Variants in SLIT2 observed in about 807,000 individuals in gnomAD.
SLIT2 encodes slit guidance ligand 2.
In SLIT2, 41 loss-of-function variants were observed where a neutral mutation model predicts 185.7. That is an observed-to-expected ratio of 0.22 (90% confidence interval 0.17 to 0.29). The LOEUF is 0.29. Ranked by LOEUF, SLIT2 falls within the 10% of genes least tolerant of loss-of-function variation. SLIT2 has a pLI of 1.00. For missense variants in SLIT2, 1,571 were observed against 1,909.0 expected (o/e 0.82, Z 3.30); for synonymous variants, 693 against 680.2 (o/e 1.02, Z -0.29).
Position 20,601,073 on chromosome 4 carries a change from G to T in SLIT2, c.3692+2678G>T, listed in dbSNP as rs139010390. ...TAAGCACTTACATTTTCATGTATTT[G>T]CACAAAGAAAAACTAGACACAAAGA... On this transcript the variant is annotated intron_variant, in intron 33 of 36. Coordinates refer to ENST00000504154, the MANE Select transcript of SLIT2 (RefSeq NM_004787.4). 3.8e-4 allele frequency among the ~76,000 whole-genome samples: 58 copies of T among 152,186 alleles called. No homozygotes were observed. The East Asian group carries it at 0.011, about 28-fold the overall frequency.
At chr4:20,573,112 G>A in intron 29 of SLIT2, 2 of 682,938 alleles carry the variant, frequency 2.9e-6, no homozygotes, top group Non-Finnish European at 2.7e-6. Context: ...TCCAAGCCTT[G>A]CTTCAGCTTG....
chr4:20,376,929 C>T (rs1017447671), intron 4 of SLIT2, among the ~76,000 whole-genome samples: 6 of 151,822 alleles, frequency 4.0e-5, no homozygotes, highest in Non-Finnish European at 8.8e-5. Context: ...GTAAACGACT[C>T]GTTAATGGGT....
At chr4:20,341,489 T>C (rs892591333) in intron 4 of SLIT2, among the ~76,000 whole-genome samples, 33 of 152,114 alleles carry the variant, frequency 2.2e-4, no homozygotes, top group African/African-American at 7.5e-4. Context: ...TGAAAGAAAA[T>C]TTCCGCAAGA....
chr4:20,487,438 A>G (rs1425266267), intron 7 of SLIT2, among the ~76,000 whole-genome samples: 2 of 152,224 alleles, frequency 1.3e-5, no homozygotes, highest in Non-Finnish European at 2.9e-5. Flanking sequence ...TTGTAAAAAC[A>G]TTCATCTGAA....
At chr4:20,614,493 T>C (rs1729486100) in intron 34 of SLIT2, among the ~76,000 whole-genome samples, 1 of 151,988 alleles carries the variant, frequency 6.6e-6, no homozygotes, top group South Asian at 2.1e-4. Flanking sequence ...AAATCATGGA[T>C]CTGGCCAGGC....
At chr4:20,316,520 C>G (rs1718604854) in intron 4 of SLIT2, among the ~76,000 whole-genome samples, 1 of 151,878 alleles carries the variant, frequency 6.6e-6, no homozygotes, top group Non-Finnish European at 1.5e-5. Context: ...TTTAACAGGT[C>G]TCACATAAAG....
chr4:20,478,928 G>A (rs1716405929), intron 5 of SLIT2, among the ~76,000 whole-genome samples: 2 of 152,142 alleles, frequency 1.3e-5, no homozygotes, highest in South Asian at 4.1e-4. Flanking sequence ...TGGAACCACA[G>A]CAGCCATATT....
intron 25 of SLIT2, 84 bp downstream of exon 25, chr4:20,550,982 A>G: frequency 1.4e-6 from 1 of 728,944 alleles, no homozygotes; most frequent in Non-Finnish European, 2.4e-6. Flanking sequence ...CAGTTATTTT[A>G]CTGTAACATC....
chr4:20,475,044 T>C (rs1440994258), intron 5 of SLIT2, among the ~76,000 whole-genome samples: 2 of 151,960 alleles, frequency 1.3e-5, no homozygotes, highest in Non-Finnish European at 2.9e-5. Flanking sequence ...GAGATGATTA[T>C]TAAATGCTGT....
intron 4 of SLIT2, among the ~76,000 whole-genome samples, chr4:20,425,219 A>T (rs1728459051): frequency 1.3e-5 from 2 of 152,036 alleles, no homozygotes; most frequent in African/African-American, 4.8e-5. Flanking sequence ...ATAAGTTTTA[A>T]TTTTTTCACA....
chr4:20,543,714 T>C (rs1249058622), intron 21 of SLIT2, among the ~76,000 whole-genome samples: 2 of 152,132 alleles, frequency 1.3e-5, no homozygotes, highest in Non-Finnish European at 2.9e-5. Flanking sequence ...AACCCTAAGT[T>C]TGATCCTGAA....
At chr4:20,506,794 T>G (rs927104989) in intron 9 of SLIT2, among the ~76,000 whole-genome samples, 10 of 152,000 alleles carry the variant, frequency 6.6e-5, no homozygotes, top group African/African-American at 2.4e-4. Context: ...GTTTGACATC[T>G]GTCCATGGTA....
chr4:20,307,270 C>CCTTCCTTCCTTCCTT (rs1181340011), intron 4 of SLIT2, among the ~76,000 whole-genome samples: 1 of 147,198 alleles, frequency 6.8e-6, no homozygotes, highest in East Asian at 2.0e-4. Context: ...TTCCTTCCTT[C>CCTTCCTTCCTTCCTT]CTTCCTTCCT....
chr4:20,311,838 T>G (rs952153936), intron 4 of SLIT2, among the ~76,000 whole-genome samples: 4 of 152,214 alleles, frequency 2.6e-5, no homozygotes, highest in Non-Finnish European at 5.9e-5. Flanking sequence ...AGTATTCAGA[T>G]GAAAATATAT....
At chr4:20,431,402 A>AT (rs201082791) in intron 4 of SLIT2, among the ~76,000 whole-genome samples, 2,420 of 151,800 alleles carry the variant, frequency 0.016, 42 homozygotes, top group African/African-American at 0.038. Flanking sequence ...TTTTATTTTT[A>AT]TTTTTTTTAA....
intron 4 of SLIT2, among the ~76,000 whole-genome samples, chr4:20,426,290 G>A (rs1728552501): frequency 6.6e-6 from 1 of 152,124 alleles, no homozygotes; most frequent in Non-Finnish European, 1.5e-5. Context: ...CTGTGTAGGA[G>A]GCAGCATAGA....
At position 20,511,048 on chromosome 4, in the gene SLIT2, C is replaced by T. The variant is rs1719657977; in HGVS notation, c.987-18C>T. On this transcript the variant is annotated intron_variant, in intron 10 of 36. Transcript: ENST00000504154. ...TGACATTTGATTGAATGTAACCTAA[C>T]CCTATTTCTAATCTTAGTGACCTGA... 2 of 1,521,902 alleles carry T rather than the reference C, an allele frequency of 1.3e-6. No homozygotes were observed. The highest frequency in any genetic ancestry group is 1.4e-5 in the African/African-American group (1 of 73,208). 94.3% of individuals were successfully genotyped at this position (1,521,902 alleles called of 1,614,324 possible).
At chr4:20,607,157 T>C (rs1483961333) in intron 33 of SLIT2, among the ~76,000 whole-genome samples, 3 of 152,096 alleles carry the variant, frequency 2.0e-5, no homozygotes, top group Non-Finnish European at 2.9e-5. Context: ...CTCTTCCTAT[T>C]TGCACTTCTC....
intron 4 of SLIT2, among the ~76,000 whole-genome samples, chr4:20,335,682 A>G (rs1720436251): frequency 6.6e-6 from 1 of 152,098 alleles, no homozygotes; most frequent in Non-Finnish European, 1.5e-5. Flanking sequence ...GGCTGAGTGT[A>G]CTGGAGAGGG....
Sources: allele counts gnomAD v4.1 joint callset (sites outside exome capture counted in the v4.1 genomes callset), GRCh38; gene constraint gnomAD v4.1.1; transcripts MANE v1.5; gene names NCBI Gene and HGNC (gene_info 2026-07-23, HGNC 2026-07-21).